Variants in GSN observed in about 807,000 individuals in gnomAD.
The protein encoded by GSN is actin-depolymerizing factor.
GSN carries 56 observed loss-of-function variants against 85.7 expected under a neutral mutation model. That is an observed-to-expected ratio of 0.65 (90% CI 0.53 to 0.82). The LOEUF is 0.82. GSN is among the 40% of genes least tolerant of loss of function. The pLI is 0.00. For missense variants in GSN, 857 were observed against 979.8 expected (o/e 0.87, Z 1.67); for synonymous variants, 373 against 399.1 (o/e 0.93, Z 0.78).
chr9:121,302,291 G>T, intron 3 of GSN, 124 bp downstream of exon 3: 1 of 1,112,626 alleles, frequency 9.0e-7, no homozygotes, highest in Non-Finnish European at 1.3e-6. Context: ...CCCTTGACTG[G>T]TGGTTCATGC....
chr9:121,242,309 GA>G (rs2054619884), intron 5 of GSN, among the ~76,000 whole-genome samples: 1 of 152,146 alleles, frequency 6.6e-6, no homozygotes, highest in African/African-American at 2.4e-5. Flanking sequence ...AAACAGGGAG[GA>G]AACAGAAAAG....
At chr9:121,305,484 A>G (rs1044524087) in intron 4 of GSN, among the ~76,000 whole-genome samples, 3 of 152,216 alleles carry the variant, frequency 2.0e-5, no homozygotes, top group Non-Finnish European at 4.4e-5. Context: ...AGAGATGTTA[A>G]GCAACTTTTC....
In GSN at chr9:121,329,336, G is replaced by A. The variant is rs2063626605; in HGVS notation, c.1965+21G>A. 1.4e-6 allele frequency: 2 copies of A among 1,417,620 alleles called. No homozygotes were observed. Among genetic ancestry groups the A allele is most frequent in the East Asian group, 2.3e-5 (1 of 43,992 alleles). 87.8% of individuals were successfully genotyped at this position (1,417,620 alleles called of 1,614,324 possible). A position where few individuals can be genotyped will look rare whatever the true frequency, so the allele number is the denominator to read the frequency against. The stretch of plus-strand genomic sequence containing the variant: ...ACCAGGTGGGTGAAGGACAGGTGAA[G>A]GCTCTCTGTGCCAGAGGGAGTGGGA... On this transcript the variant is annotated intron_variant, in intron 16 of 17. Coordinates refer to ENST00000432226, the MANE Select transcript of GSN (RefSeq NM_198252.3). This position sits in a 1 kb window ranked among gnomAD's most constrained non-coding sequence, Gnocchi z 4.6.
intron 10 of GSN, among the ~76,000 whole-genome samples, chr9:121,320,910 G>T (rs1054861053): frequency 6.6e-6 from 1 of 152,160 alleles, no homozygotes; most frequent in Non-Finnish European, 1.5e-5. Flanking sequence ...TAAGCCAGTT[G>T]TCTGAGGTCT....
At chr9:121,262,489 T>C (rs760000864) in intron 6 of GSN, among the ~76,000 whole-genome samples, 1 of 152,196 alleles carries the variant, frequency 6.6e-6, no homozygotes, top group Admixed American at 6.5e-5. Flanking sequence ...TTAGTTATTA[T>C]TATGCATGCC....
At chr9:121,304,835 G>A (rs2060237862) in intron 4 of GSN, among the ~76,000 whole-genome samples, 1 of 152,178 alleles carries the variant, frequency 6.6e-6, no homozygotes, top group Non-Finnish European at 1.5e-5. Context: ...CCTGTGATGG[G>A]TGCTGGGGTG....
intron 5 of GSN, chr9:121,239,351 T>C (rs1029903096): frequency 1.6e-5 from 7 of 445,728 alleles, no homozygotes; most frequent in Non-Finnish European, 2.2e-5. Context: ...TTAGCCAAGT[T>C]CAAAAACAGG....
chr9:121,212,319 C>T (rs931425114), intron 4 of GSN, among the ~76,000 whole-genome samples: 1 of 152,220 alleles, frequency 6.6e-6, no homozygotes, highest in Non-Finnish European at 1.5e-5. Context: ...GCATCTTAAT[C>T]TCTCTGGGCC....
intron 4 of GSN, chr9:121,310,193 A>G (rs2060931420): frequency 1.0e-5 from 2 of 199,826 alleles, no homozygotes; most frequent in Admixed American, 1.1e-4. Context: ...CAGAGCCTTT[A>G]TTATGCACAT....
chr9:121,286,320 C>A, intron 2 of GSN: 3 of 643,338 alleles, frequency 4.7e-6, no homozygotes, highest in Non-Finnish European at 8.0e-6. Flanking sequence ...AAACCAGTTC[C>A]AATTCTATTC....
intron 7 of GSN, 123 bp from the exon 8 acceptor site, chr9:121,316,963 A>G (rs2061783546): frequency 5.0e-6 from 6 of 1,211,844 alleles, no homozygotes; most frequent in Non-Finnish European, 7.2e-6. Flanking sequence ...TGTGTGCGAG[A>G]GGAAGCCCAG....
At chr9:121,278,458 A>G (rs1342694776) in intron 1 of GSN, among the ~76,000 whole-genome samples, 1 of 152,156 alleles carries the variant, frequency 6.6e-6, no homozygotes, top group Non-Finnish European at 1.5e-5. Context: ...GTATCCCCCC[A>G]TCCCACCTCC....
At position 121,299,522 on chromosome 9, in the gene GSN, T is replaced by TA; in HGVS notation, c.-9-2440dup. On this transcript the variant is annotated intron_variant, in intron 2 of 17. Coordinates refer to ENST00000432226, the MANE Select transcript of GSN (RefSeq NM_198252.3). This position sits in a 1 kb window ranked among gnomAD's most constrained non-coding sequence, Gnocchi z 4.2. Reference sequence around the variant, plus strand: ...CATGTTATTTTTTTGCTGGAGGTGTTAGGTGCGGAGAGGCGAGGGGGCTCG... The same window carrying TA: ...CATGTTATTTTTTTGCTGGAGGTGTTAAGGTGCGGAGAGGCGAGGGGGCTCG... The TA allele has an allele frequency of 9.3e-6, 9 of 968,022 alleles. No individual in the cohort carries two copies. Among genetic ancestry groups the TA allele is most frequent in the Admixed American group, 6.2e-5 (1 of 16,252 alleles). The allele number at this position is 968,022 out of a possible 1,614,324, so 60.0% of individuals were successfully genotyped here. A position where few individuals can be genotyped will look rare whatever the true frequency, so the allele number is the denominator to read the frequency against.
chr9:121,312,491 G>A lies in GSN; in HGVS notation c.663+3G>A, dbSNP rs1447615941. The A allele has an allele frequency of 1.2e-6, 2 of 1,608,036 alleles. No homozygotes were observed. Among genetic ancestry groups the A allele is most frequent in the African/African-American group, 2.7e-5 (2 of 74,816 alleles). The stretch of plus-strand genomic sequence containing the variant: ...CTGAGCCCGAGGCGATGCTCCAGGT[G>A]CCTGTGGGGTGCGCAATGGGGTGGC... On this transcript the variant is annotated splice_donor_region_variant and intron_variant, in intron 6 of 17. Transcript: ENST00000432226.
At chr9:121,266,956 C>T (rs1469222265), upstream of GSN, among the ~76,000 whole-genome samples, 1 of 152,208 alleles carries the variant, frequency 6.6e-6, no homozygotes, top group Non-Finnish European at 1.5e-5. Flanking sequence ...CTCTTGGCTT[C>T]TGTGCTACTT....
chr9:121,222,640 T>G (rs1237864283), intron 4 of GSN, among the ~76,000 whole-genome samples: 6 of 152,200 alleles, frequency 3.9e-5, no homozygotes, highest in Non-Finnish European at 8.8e-5. Context: ...CGTATCTGAG[T>G]CTCACAGCAC....
intron 4 of GSN, among the ~76,000 whole-genome samples, chr9:121,307,330 G>T (rs935408516): frequency 1.3e-5 from 2 of 152,138 alleles, no homozygotes; most frequent in African/African-American, 4.8e-5. Flanking sequence ...AAAATATTTA[G>T]AGGGGTAAAA....
chr9:121,248,368 C>T (rs1305988939), intron 6 of GSN: 1 of 152,206 alleles, frequency 6.6e-6, no homozygotes, highest in Non-Finnish European at 1.5e-5. Context: ...CCTTAATCCT[C>T]CCTCCCTCTC....
intron 2 of GSN, among the ~76,000 whole-genome samples, chr9:121,296,999 T>C (rs1232094897): frequency 6.6e-6 from 1 of 152,238 alleles, no homozygotes; most frequent in East Asian, 1.9e-4. Context: ...AGCCCCTCTA[T>C]TAATCACCAA....
Sources: gnomAD v4.1 joint callset for allele counts (sites outside exome capture counted in the v4.1 genomes callset) on GRCh38, gnomAD v4.1.1 for gene constraint, Gnocchi (gnomAD v3.1) non-coding constraint, MANE v1.5 for transcripts, NCBI Gene and HGNC (gene_info 2026-07-23, HGNC 2026-07-21) for gene names.